DTNA: variants seen among roughly 807,000 people sequenced by gnomAD.
DTNA encodes the protein dystrobrevin alpha.
In DTNA, 43 loss-of-function variants were observed where a neutral mutation model predicts 100.7. The observed-to-expected ratio is 0.43, with a 90% CI of 0.33 to 0.55. The LOEUF (loss-of-function observed/expected upper bound fraction) is 0.55. Ranked by LOEUF, DTNA falls within the 20% of genes least tolerant of loss-of-function variation. The pLI is 0.04. For synonymous variants in DTNA, 349 were observed against 347.9 expected (o/e 1.00, Z -0.04); for missense variants, 798 against 953.9 (o/e 0.84, Z 2.15).
At chr18:34,858,226 A>G (rs1190703161) in intron 15 of DTNA, 59 bp from the exon 16 acceptor site, 2 of 1,523,812 alleles carry the variant, frequency 1.3e-6, no homozygotes, top group East Asian at 2.3e-5. Context: ...ATCTGCTCCG[A>G]TGTTAGTTTC....
chr18:34,523,545 A>G (rs1462359803), intron 1 of DTNA, among the ~76,000 whole-genome samples: 2 of 152,174 alleles, frequency 1.3e-5, no homozygotes, highest in Non-Finnish European at 2.9e-5. Context: ...CACAAACCCT[A>G]CATAAGATTC....
chr18:34,602,634 TG>T (rs2052128297), intron 1 of DTNA, among the ~76,000 whole-genome samples: 1 of 151,600 alleles, frequency 6.6e-6, no homozygotes. Context: ...TCCCAGCACA[TG>T]GGAGGATCAT....
At chr18:34,751,359 C>T (rs545198085) in intron 1 of DTNA, among the ~76,000 whole-genome samples, 2 of 152,326 alleles carry the variant, frequency 1.3e-5, no homozygotes, top group African/African-American at 4.8e-5. Context: ...TCCTACCTAC[C>T]CAGTCTTCCT....
At chr18:34,808,238 C>T (rs1202876055) in intron 5 of DTNA, among the ~76,000 whole-genome samples, 1 of 152,150 alleles carries the variant, frequency 6.6e-6, no homozygotes, top group East Asian at 1.9e-4. Context: ...CCCTCGAAGT[C>T]CTGGTGTTTG....
At chr18:34,550,717 T>C (rs1392522405) in intron 1 of DTNA, among the ~76,000 whole-genome samples, 2 of 152,180 alleles carry the variant, frequency 1.3e-5, no homozygotes, top group African/African-American at 2.4e-5. Context: ...TTCATGTATA[T>C]TGCATTGTTA....
intron 1 of DTNA, among the ~76,000 whole-genome samples, chr18:34,532,523 G>C (rs2043239896): frequency 6.6e-6 from 1 of 152,036 alleles, no homozygotes; most frequent in South Asian, 2.1e-4. Context: ...AGAAGCAATT[G>C]AAGTTTGTTG....
rs923962074 is a variant in DTNA at position 34,552,419 on chromosome 18, G to A, written c.-2+58905G>A. ...ATACTTTAAGTTTTAGGGTACATGT[G>A]CACAATGTGCAGGTTAGTTACATAT... On this transcript the variant is annotated intron_variant, in intron 1 of 19. Transcript: ENST00000283365. Among the ~76,000 whole-genome samples, 12 of 150,548 alleles carry A rather than the reference G, an allele frequency of 8.0e-5. No homozygotes were observed. In the South Asian group the frequency reaches 8.5e-4, roughly 11 times the overall value.
At chr18:34,856,296 C>T (rs947106217) in intron 15 of DTNA, among the ~76,000 whole-genome samples, 2 of 152,146 alleles carry the variant, frequency 1.3e-5, no homozygotes, top group Non-Finnish European at 2.9e-5. Flanking sequence ...CCATGGAAAC[C>T]CACCCAGGGA....
intron 3 of DTNA, among the ~76,000 whole-genome samples, chr18:34,775,358 C>T (rs772148545): frequency 2.6e-5 from 4 of 151,974 alleles, no homozygotes; most frequent in Non-Finnish European, 4.4e-5. Flanking sequence ...TGGTGGTGGG[C>T]GCCAGTAGTC....
intron 1 of DTNA, among the ~76,000 whole-genome samples, chr18:34,511,160 G>A (rs984987711): frequency 7.2e-5 from 11 of 152,012 alleles, no homozygotes; most frequent in Middle Eastern, 3.2e-3. Flanking sequence ...CATGAGTAAG[G>A]CATTCTTACC....
At chr18:34,508,040 A>G (rs2040668359) in intron 1 of DTNA, among the ~76,000 whole-genome samples, 1 of 152,202 alleles carries the variant, frequency 6.6e-6, no homozygotes. Context: ...TGGTTGATAC[A>G]TATTAATGAT....
intron 3 of DTNA, among the ~76,000 whole-genome samples, chr18:34,787,523 CTT>C (rs1192300254): frequency 7.2e-5 from 11 of 152,278 alleles, no homozygotes; most frequent in East Asian, 5.8e-4. Flanking sequence ...TTTTATCTAA[CTT>C]ATATGATTCT....
intron 15 of DTNA, among the ~76,000 whole-genome samples, 186 bp downstream of exon 15, chr18:34,852,114 A>G (rs1462250252): frequency 6.6e-6 from 1 of 152,242 alleles, no homozygotes; most frequent in Non-Finnish European, 1.5e-5. Context: ...AAGCTCCATG[A>G]GAAAACGGCG....
chr18:34,609,505 A>G (rs1055280918), intron 1 of DTNA, among the ~76,000 whole-genome samples: 1 of 151,982 alleles, frequency 6.6e-6, no homozygotes, highest in African/African-American at 2.4e-5. Context: ...CGGCCTCCCA[A>G]AGTGCTGGGA....
At chr18:34,571,682 C>G (rs971442684) in intron 1 of DTNA, among the ~76,000 whole-genome samples, 1 of 152,104 alleles carries the variant, frequency 6.6e-6, no homozygotes, top group African/African-American at 2.4e-5. Context: ...GAGTTTTATC[C>G]TGTTTAATTT....
intron 1 of DTNA, among the ~76,000 whole-genome samples, chr18:34,530,696 A>G (rs933912603): frequency 6.6e-6 from 1 of 152,112 alleles, no homozygotes; most frequent in African/African-American, 2.4e-5. Flanking sequence ...GCTTTGAGGA[A>G]GATAACTATT....
At chr18:34,730,205 C>G (rs956588781) in intron 1 of DTNA, among the ~76,000 whole-genome samples, 1 of 152,198 alleles carries the variant, frequency 6.6e-6, no homozygotes, top group African/African-American at 2.4e-5. Flanking sequence ...CTGCACTTAA[C>G]AGATAATACC....
intron 11 of DTNA, among the ~76,000 whole-genome samples, chr18:34,836,298 G>C (rs2096142080): frequency 6.6e-6 from 1 of 152,216 alleles, no homozygotes. Context: ...GCTGGAAAAA[G>C]AAAGTTATTG....
intron 1 of DTNA, among the ~76,000 whole-genome samples, chr18:34,728,165 CAAG>C (rs1167320175): frequency 7.9e-5 from 12 of 152,254 alleles, no homozygotes; most frequent in African/African-American, 2.9e-4. Context: ...ATAGAAGAAG[CAAG>C]AAGACTATCA....
Sources: gnomAD v4.1 joint callset for allele counts (sites outside exome capture counted in the v4.1 genomes callset) on GRCh38, gnomAD v4.1.1 for gene constraint, MANE v1.5 for transcripts, NCBI Gene and HGNC (gene_info 2026-07-23, HGNC 2026-07-21) for gene names.